Variants in ATP10D observed in about 807,000 individuals in gnomAD.
The protein encoded by ATP10D is phospholipid-transporting ATPase VD.
In ATP10D, 89 loss-of-function variants were observed where a neutral mutation model predicts 144.8. That is an observed-to-expected ratio of 0.61 (90% CI 0.52 to 0.73). The LOEUF (loss-of-function observed/expected upper bound fraction) is 0.73. ATP10D is among the 30% of genes least tolerant of loss of function. The pLI, the probability that ATP10D is intolerant of heterozygous loss-of-function variation, is 0.00. For missense variants in ATP10D, 1,603 were observed against 1,714.8 expected (o/e 0.93, Z 1.15); for synonymous variants, 571 against 615.1 (o/e 0.93, Z 1.06).
intron 1 of ATP10D, among the ~76,000 whole-genome samples, chr4:47,492,628 A>G (rs1471861834): frequency 6.6e-6 from 1 of 152,180 alleles, no homozygotes; most frequent in Non-Finnish European, 1.5e-5. Flanking sequence ...GCGTTAAGTC[A>G]TGTGCTGAAG....
intron 1 of ATP10D, among the ~76,000 whole-genome samples, chr4:47,495,332 GA>G (rs1213426360): frequency 2.0e-5 from 3 of 151,046 alleles, no homozygotes; most frequent in East Asian, 1.9e-4. Context: ...AAAAAGGAAA[GA>G]AAAAAAAGAG....
chr4:47,510,900 TAAAA>T (rs1238731345), intron 1 of ATP10D, among the ~76,000 whole-genome samples: 1 of 152,214 alleles, frequency 6.6e-6, no homozygotes, highest in African/African-American at 2.4e-5. Context: ...TTCAACCTTT[TAAAA>T]AAAGTCACAT....
intron 1 of ATP10D, among the ~76,000 whole-genome samples, chr4:47,509,594 A>G (rs897475654): frequency 3.3e-5 from 5 of 152,212 alleles, no homozygotes; most frequent in African/African-American, 1.2e-4. Flanking sequence ...AGTGTACAAC[A>G]TATTGTTACT....
Position 47,523,199 on chromosome 4 carries a change from C to T in ATP10D, c.673C>T (p.Arg225Trp), listed in dbSNP as rs192815760. 43 of 1,613,684 alleles carry T rather than the reference C, an allele frequency of 2.7e-5. No homozygotes were observed. Among genetic ancestry groups the T allele is most frequent in the Admixed American group, 3.3e-5 (2 of 59,984 alleles). The change falls in exon 4 of 23, where the codon CGG becomes TGG. Residue 225 changes from arginine (R) to tryptophan (W), a missense_variant. Physicochemically the swap from Arg to Trp is moderately radical, Grantham distance 101. Coordinates refer to ENST00000273859, the MANE Select transcript of ATP10D (RefSeq NM_020453.4). ...ESNLKQRQVV[R>W]GYAEQDSEVD... ...CAATTTAAAACAGAGGCAGGTGGTT[C>T]GGGGATATGCAGAACAGGTAAGTCA...
At chr4:47,531,597 A>C (rs1461027673) in intron 5 of ATP10D, among the ~76,000 whole-genome samples, 1 of 152,194 alleles carries the variant, frequency 6.6e-6, no homozygotes, top group Non-Finnish European at 1.5e-5. Context: ...CTTCCATGGA[A>C]ATTTTAGATG....
At chr4:47,550,876 A>G (rs1560439783) in intron 10 of ATP10D, among the ~76,000 whole-genome samples, 1 of 152,010 alleles carries the variant, frequency 6.6e-6, no homozygotes, top group Non-Finnish European at 1.5e-5. Flanking sequence ...GTGGACAGCG[A>G]GCGAAAGCTC....
chr4:47,578,348 G>T (rs781579078), intron 19 of ATP10D: 2 of 152,172 alleles, frequency 1.3e-5, no homozygotes, highest in African/African-American at 2.4e-5. Context: ...TCTGCAGTCA[G>T]AAGCTTCCCT....
chr4:47,570,287 A>G (rs1033131541), intron 16 of ATP10D, among the ~76,000 whole-genome samples: 1 of 152,166 alleles, frequency 6.6e-6, no homozygotes, highest in Non-Finnish European at 1.5e-5. Flanking sequence ...TGAGAGAAAG[A>G]GTTGTCATAG....
Position 47,563,562 on chromosome 4 carries a change from C to T in ATP10D, c.2669-19C>T. 1 of 1,590,850 alleles carries T rather than the reference C, an allele frequency of 6.3e-7. No homozygotes were observed. Among genetic ancestry groups the T allele is most frequent in the Non-Finnish European group, 8.5e-7 (1 of 1,170,680 alleles). ...CTTTGGTTTCTTACAAGTCCTATTG[C>T]ACTTTGGTTATTTTTTAGGTGCTAC... On this transcript the variant is annotated intron_variant, in intron 14 of 22. Transcript: ENST00000273859.
chr4:47,536,809 C>G lies in ATP10D; in HGVS notation c.1267C>G (p.Leu423Val). The stretch of plus-strand genomic sequence containing the variant: ...GGATTCTATTGTTCAGTGCCGAGCC[C>G]TGAACATCGCCGAGGATCTGGGACA... The part of the protein sequence containing the change: ...KMDSIVQCRA[L>V]NIAEDLGQIQ... The change falls in exon 9 of 23, where the codon CTG becomes GTG. Residue 423 changes from leucine to valine, a missense_variant. Leu to Val is a conservative substitution (Grantham distance 32). Transcript: ENST00000273859. 6.2e-7 allele frequency: 1 copy of G among 1,613,238 alleles called. No individual in the cohort carries two copies. Among genetic ancestry groups the G allele is most frequent in the Non-Finnish European group, 8.5e-7 (1 of 1,179,630 alleles).
chr4:47,587,060 T>C lies in ATP10D; in HGVS notation c.3795T>C (p.Ser1265=). The change falls in exon 22 of 23, where the codon TCT becomes TCC. Residue 1265 remains serine, a synonymous_variant. Coordinates refer to ENST00000273859, the MANE Select transcript of ATP10D (RefSeq NM_020453.4). ...TGGTCATCATTGGTAGCATCTTGTC[T>C]TATTTTTTATTTGCCATAGTTTTTG... is the stretch of plus-strand genomic sequence containing the variant. ...HLLVIIGSIL[S]YFLFAIVFGA... The C allele has an allele frequency of 6.2e-7, 1 of 1,614,106 alleles. No individual in the cohort carries two copies. The highest frequency in any genetic ancestry group is 8.5e-7 in the Non-Finnish European group (1 of 1,179,954).
At chr4:47,486,242 T>A (rs1714752758) in intron 1 of ATP10D, among the ~76,000 whole-genome samples, 1 of 152,218 alleles carries the variant, frequency 6.6e-6, no homozygotes, top group African/African-American at 2.4e-5. Flanking sequence ...AGGGAATGGA[T>A]GGTTATTTTG....
At chr4:47,488,611 G>GA (rs1714895520) in intron 1 of ATP10D, among the ~76,000 whole-genome samples, 1 of 8,742 alleles carries the variant, frequency 1.1e-4, no homozygotes, top group Non-Finnish European at 2.6e-4. Context: ...AATATAATAA[G>GA]CAAAAAAAAA....
chr4:47,563,536 G>A (rs761911819), intron 14 of ATP10D, 45 bp from the exon 15 acceptor site: 2 of 1,532,514 alleles, frequency 1.3e-6, no homozygotes, highest in East Asian at 4.5e-5. Flanking sequence ...GCTTCAGCTG[G>A]CTTTGGTTTC....
chr4:47,499,860 T>C (rs1477629597), intron 1 of ATP10D, among the ~76,000 whole-genome samples: 1 of 152,224 alleles, frequency 6.6e-6, no homozygotes, highest in African/African-American at 2.4e-5. Flanking sequence ...ATAAGTCCTA[T>C]TTGTTTTATT....
intron 1 of ATP10D, among the ~76,000 whole-genome samples, chr4:47,493,082 A>G (rs1025486172): frequency 2.0e-5 from 3 of 152,140 alleles, no homozygotes; most frequent in Admixed American, 1.3e-4. Context: ...TCTTACCATT[A>G]ATCTTTCTTT....
At position 47,572,375 on chromosome 4, in the gene ATP10D, A is replaced by G. The variant is rs536613444; in HGVS notation, c.3240+145A>G. 1.3e-5 allele frequency: 8 copies of G among 636,832 alleles called. No homozygotes were observed. The African/African-American group carries it at 1.6e-4, about 12-fold the overall frequency. The allele number at this position is 636,832 out of a possible 1,614,324, so 39.4% of individuals were successfully genotyped here. Reference sequence around the variant, plus strand: ...AGACAGGAAGTTTACCTATCTATTCATTGATTTTTTTTTACTAGGTGAGTA... The same window carrying G: ...AGACAGGAAGTTTACCTATCTATTCGTTGATTTTTTTTTACTAGGTGAGTA... On this transcript the variant is annotated intron_variant, in intron 17 of 22. Coordinates refer to ENST00000273859, the MANE Select transcript of ATP10D (RefSeq NM_020453.4).
chr4:47,539,205 G>C (rs1718006717), intron 9 of ATP10D, among the ~76,000 whole-genome samples: 1 of 152,136 alleles, frequency 6.6e-6, no homozygotes. Flanking sequence ...GTTGAGCTCA[G>C]ACAACCCATC....
chr4:47,510,990 G>A (rs926340843), intron 1 of ATP10D, among the ~76,000 whole-genome samples: 1 of 152,086 alleles, frequency 6.6e-6, no homozygotes, highest in Non-Finnish European at 1.5e-5. Context: ...AGTATTTTCT[G>A]TTATCTATTG....
Sources: gnomAD v4.1 joint callset for allele counts (sites outside exome capture counted in the v4.1 genomes callset) on GRCh38, gnomAD v4.1.1 for gene constraint, MANE v1.5 for transcripts, NCBI Gene and HGNC (gene_info 2026-07-23, HGNC 2026-07-21) for gene names.